TRIM51G: variants seen among roughly 807,000 people sequenced by gnomAD.
TRIM51G encodes tripartite motif-containing protein 51G.
chr11:48,979,072 T>C, the TRIM51G span: 1 of 829,238 alleles, frequency 1.2e-6, no homozygotes, highest in East Asian at 2.5e-5. Flanking sequence ...TATTCAGCTC[T>C]GATTGCTTCT....
chr11:48,982,196 C>G, the TRIM51G span, among the ~76,000 whole-genome samples: 3 of 151,976 alleles, frequency 2.0e-5, no homozygotes, highest in African/African-American at 7.3e-5. Flanking sequence ...AACAAACCAA[C>G]CGACCAGATA....
the TRIM51G span, chr11:48,975,531 A>T: frequency 9.3e-6 from 13 of 1,397,088 alleles, no homozygotes; most frequent in Non-Finnish European, 1.3e-5. Context: ...TAGGCCAGAG[A>T]GGAGGTGAGA....
chr11:48,978,924 A>G, the TRIM51G span: 7 of 1,586,654 alleles, frequency 4.4e-6, no homozygotes, highest in African/African-American at 6.7e-5. Flanking sequence ...ATCCTCATAC[A>G]TTCCTCTTAA....
chr11:48,975,928 T>G, the TRIM51G span: 1 of 743,050 alleles, frequency 1.3e-6, no homozygotes, highest in Non-Finnish European at 2.5e-6. Context: ...ACATCCAACC[T>G]TCATGCTTCT....
chr11:48,981,479 T>A, the TRIM51G span: 1 of 1,607,256 alleles, frequency 6.2e-7, no homozygotes, highest in South Asian at 1.1e-5. Context: ...ATGGAAGCCA[T>A]GTTCTTCAAA....
the TRIM51G span, chr11:48,977,061 T>G: frequency 1.2e-6 from 1 of 847,234 alleles, no homozygotes; most frequent in African/African-American, 1.6e-5. Context: ...ATTGTGGGAA[T>G]TTTGCCAATG....
At chr11:48,976,632 G>C in the TRIM51G span, among the ~76,000 whole-genome samples, 6 of 151,608 alleles carry the variant, frequency 4.0e-5, no homozygotes, top group African/African-American at 1.5e-4. Flanking sequence ...TATATATTAA[G>C]TCAAAATTTT....
chr11:48,976,633 T>C, the TRIM51G span, among the ~76,000 whole-genome samples: 1 of 152,048 alleles, frequency 6.6e-6, no homozygotes, highest in African/African-American at 2.4e-5. Flanking sequence ...ATATATTAAG[T>C]CAAAATTTTA....
At chr11:48,983,249 AT>A in the TRIM51G span, among the ~76,000 whole-genome samples, 1 of 137,582 alleles carries the variant, frequency 7.3e-6, no homozygotes, top group Non-Finnish European at 1.6e-5. Context: ...ATCATTCCTT[AT>A]ACAGTTATCT....
the TRIM51G span, chr11:48,978,126 G>A: frequency 5.8e-6 from 3 of 521,340 alleles, no homozygotes; most frequent in South Asian, 1.4e-5. Flanking sequence ...TAAAATCTTG[G>A]TATGTACTCA....
the TRIM51G span, chr11:48,976,996 A>G: frequency 1.4e-5 from 9 of 624,218 alleles, no homozygotes; most frequent in Non-Finnish European, 2.4e-5. Context: ...GAAATGAAAT[A>G]AAGATTTGAC....
At chr11:48,976,521 G>C in the TRIM51G span, among the ~76,000 whole-genome samples, 2 of 152,086 alleles carry the variant, frequency 1.3e-5, no homozygotes, top group Admixed American at 6.6e-5. Context: ...GCTCTAGACT[G>C]AAACTGAACT....
chr11:48,982,028 C>T, the TRIM51G span, among the ~76,000 whole-genome samples: 2 of 152,060 alleles, frequency 1.3e-5, no homozygotes, highest in African/African-American at 4.8e-5. Flanking sequence ...ACATGCTTGT[C>T]CCTATTTCTC....
At chr11:48,976,078 A>C in the TRIM51G span, 1 of 377,724 alleles carries the variant, frequency 2.6e-6, no homozygotes, top group Non-Finnish European at 5.1e-6. Flanking sequence ...TGTTCTACCA[A>C]GAATTTACTT....
the TRIM51G span, chr11:48,977,325 T>G: frequency 7.6e-6 from 4 of 528,048 alleles, no homozygotes; most frequent in Non-Finnish European, 1.4e-5. Flanking sequence ...TTTTTCAAAT[T>G]CATTCTTATT....
chr11:48,982,947 G>GTGTATATATA, the TRIM51G span, among the ~76,000 whole-genome samples: 33 of 86,124 alleles, frequency 3.8e-4, 1 homozygote, highest in African/African-American at 5.9e-4. Context: ...AGTATTTTTG[G>GTGTATATATA]TATATATACA....
chr11:48,978,257 T>G, the TRIM51G span: 824 of 488,536 alleles, frequency 1.7e-3, 6 homozygotes, highest in African/African-American at 0.012. Flanking sequence ...GATATTATTT[T>G]CCTACAGTGT....
chr11:48,979,586 G>A, the TRIM51G span, among the ~76,000 whole-genome samples: 7 of 151,836 alleles, frequency 4.6e-5, no homozygotes, highest in East Asian at 1.9e-4. Context: ...CACCCTAATC[G>A]GCTACATGGA....
At chr11:48,979,016 C>CA in the TRIM51G span, 1 of 1,208,634 alleles carries the variant, frequency 8.3e-7, no homozygotes, top group East Asian at 2.3e-5. Flanking sequence ...GCAGCCTCTC[C>CA]AAGTGACGTT....
Sources: gnomAD v4.1 joint callset for allele counts (sites outside exome capture counted in the v4.1 genomes callset) on GRCh38, gnomAD v4.1.1 for gene constraint, MANE v1.5 for transcripts, NCBI Gene and HGNC (gene_info 2026-07-23, HGNC 2026-07-21) for gene names.